Variants in SNTG1 observed in about 807,000 individuals in gnomAD.
SNTG1 encodes the protein gamma-1-syntrophin.
A neutral mutation model predicts 74.7 loss-of-function variants in SNTG1; 39 were observed. The observed-to-expected ratio is 0.52, with a 90% CI of 0.40 to 0.68. The LOEUF is 0.68. Among genes scored for constraint, SNTG1 ranks in the 30% least tolerant of loss-of-function variants. The pLI is 0.00. For synonymous variants in SNTG1, 254 were observed against 217.1 expected, an observed-to-expected ratio of 1.17 and a Z score of -1.49; for missense variants, 685 against 609.5, an observed-to-expected ratio of 1.12 and a Z score of -1.30.
chr8:50,192,153 A>G lies in SNTG1; in HGVS notation c.-28+19518A>G, dbSNP rs146142343. On this transcript the variant is annotated intron_variant, in intron 2 of 18. Transcript: ENST00000642720. ...TGCAGCACAAGAAAGCCAAATCTCC[A>G]AAAAGCTTTTGTTGTTGTTTTGTTG... 2.9e-3 allele frequency among the ~76,000 whole-genome samples: 443 copies of G among 152,226 alleles called. 3 individuals are homozygous for G. The highest frequency in any genetic ancestry group is 0.01 in the African/African-American group (422 of 41,536).
At chr8:50,242,382 G>T (rs192606924) in intron 2 of SNTG1, among the ~76,000 whole-genome samples, 30 of 151,954 alleles carry the variant, frequency 2.0e-4, no homozygotes, top group Non-Finnish European at 3.7e-4. Flanking sequence ...AGAAAAATTA[G>T]CTGGGCATGG....
chr8:50,674,975 T>C (rs1051258780), intron 15 of SNTG1, among the ~76,000 whole-genome samples: 9 of 152,084 alleles, frequency 5.9e-5, no homozygotes, highest in Non-Finnish European at 1.3e-4. Flanking sequence ...TTGTGTGTGT[T>C]TGAGTGAGTT....
intron 2 of SNTG1, among the ~76,000 whole-genome samples, chr8:50,254,633 G>T (rs577868891): frequency 4.1e-4 from 63 of 152,234 alleles, no homozygotes; most frequent in African/African-American, 1.5e-3. Context: ...ATTACTTGAG[G>T]TCAGGAGCTT....
In SNTG1 at chr8:50,450,587, T is replaced by C. The variant is rs142072860; in HGVS notation, c.309T>C (p.Asp103=). The C allele has an allele frequency of 2.4e-4, 386 of 1,613,552 alleles. 3 individuals carry two copies. The African/African-American group carries it at 4.7e-3, about 20-fold the overall frequency. ...AELSGLLFIG[D]AILQINGINV... is the part of the protein sequence containing the mutation. ...TTTCAGGACTACTTTTTATTGGAGA[T>C]GCAATTCTACAGGTATACATTTTAT... is the stretch of plus-strand genomic sequence containing the variant. The change falls in exon 7 of 19, where the codon GAT becomes GAC. Residue 103 remains aspartate (D), a synonymous_variant. Coordinates refer to ENST00000642720, the MANE Select transcript of SNTG1 (RefSeq NM_018967.5).
Position 50,122,917 on chromosome 8 carries a change from T to G in SNTG1, c.-102-49644T>G, listed in dbSNP as rs989433132. The stretch of plus-strand genomic sequence containing the variant: ...ATATAAAATGGGAATGGAAATACAT[T>G]TATTTAACAAATATTTACATAGAGG... On this transcript the variant is annotated intron_variant, in intron 1 of 18. Transcript: ENST00000642720. Among the ~76,000 whole-genome samples, 15 of 142,632 alleles carry G rather than the reference T, an allele frequency of 1.1e-4. 1 individual carries two copies. Among genetic ancestry groups the G allele is most frequent in the African/African-American group, 3.6e-4 (14 of 39,420 alleles). 93.6% of individuals were successfully genotyped at this position (142,632 alleles called of 152,430 possible).
intron 2 of SNTG1, among the ~76,000 whole-genome samples, chr8:50,377,631 A>G (rs909564732): frequency 6.6e-6 from 1 of 152,166 alleles, no homozygotes; most frequent in Non-Finnish European, 1.5e-5. Context: ...TATACACACA[A>G]AAATGTCAAA....
chr8:50,348,387 C>T (rs912278405), intron 2 of SNTG1, among the ~76,000 whole-genome samples: 1 of 152,144 alleles, frequency 6.6e-6, no homozygotes, highest in African/African-American at 2.4e-5. Flanking sequence ...CCCCACTACC[C>T]GCTCCTTTCT....
chr8:50,154,659 C>A (rs937512242), intron 1 of SNTG1, among the ~76,000 whole-genome samples: 2 of 152,250 alleles, frequency 1.3e-5, no homozygotes, highest in African/African-American at 4.8e-5. Flanking sequence ...AATCTTTAAA[C>A]CTAGTCTAAC....
At position 50,394,072 on chromosome 8, in the gene SNTG1, C is replaced by A. The variant is rs181717882; in HGVS notation, c.-27-140C>A. 3.1e-5 allele frequency: 17 copies of A among 545,030 alleles called. No individual in the cohort carries two copies. In the African/African-American group the frequency reaches 3.3e-4, roughly 11 times the overall value. The allele number at this position is 545,030 out of a possible 1,614,324, so 33.8% of individuals were successfully genotyped here. Reference sequence around the variant, plus strand: ...GTTCATTTTCCTCTCTTCAGTATACCCTGGAGCTCTTGTTCCTTACAAGTG... The same window carrying A: ...GTTCATTTTCCTCTCTTCAGTATACACTGGAGCTCTTGTTCCTTACAAGTG... On this transcript the variant is annotated intron_variant, in intron 2 of 18. Transcript: ENST00000642720.
At chr8:49,945,558 T>G (rs1809101275) in intron 1 of SNTG1, among the ~76,000 whole-genome samples, 1 of 152,150 alleles carries the variant, frequency 6.6e-6, no homozygotes, top group Non-Finnish European at 1.5e-5. Context: ...GTTTTCACAT[T>G]CACCAGCCAG....
chr8:50,587,061 A>G (rs1255873584), intron 12 of SNTG1, among the ~76,000 whole-genome samples: 3 of 152,020 alleles, frequency 2.0e-5, no homozygotes, highest in Non-Finnish European at 2.9e-5. Context: ...ACATAAAATC[A>G]ATTTCGGTTC....
chr8:50,247,952 A>G (rs536793805), intron 2 of SNTG1, among the ~76,000 whole-genome samples: 5 of 152,186 alleles, frequency 3.3e-5, no homozygotes, highest in Non-Finnish European at 7.3e-5. Context: ...TCTGAGAGCT[A>G]TGAAGGAAAG....
At chr8:49,941,688 G>C (rs1808706683) in intron 1 of SNTG1, among the ~76,000 whole-genome samples, 1 of 152,012 alleles carries the variant, frequency 6.6e-6, no homozygotes, top group South Asian at 2.1e-4. Context: ...TGATGTTCCA[G>C]CTGGAAGCCT....
intron 13 of SNTG1, among the ~76,000 whole-genome samples, chr8:50,597,280 CAT>C (rs575520281): frequency 3.9e-4 from 59 of 149,652 alleles, no homozygotes; most frequent in Non-Finnish European, 6.2e-4. Flanking sequence ...AGAATATATA[CAT>C]ATATATATAC....
intron 1 of SNTG1, among the ~76,000 whole-genome samples, chr8:50,097,301 A>G (rs1239296902): frequency 6.6e-6 from 1 of 151,458 alleles, no homozygotes; most frequent in Non-Finnish European, 1.5e-5. Flanking sequence ...TTAGTTGTGA[A>G]TTTGATATAG....
intron 2 of SNTG1, among the ~76,000 whole-genome samples, chr8:50,234,887 CAGAT>C (rs1426859123): frequency 2.0e-5 from 3 of 151,926 alleles, no homozygotes; most frequent in Admixed American, 6.6e-5. Context: ...CAACAGCTAA[CAGAT>C]AGAAGCTGTT....
intron 11 of SNTG1, among the ~76,000 whole-genome samples, chr8:50,545,274 A>G (rs1458537169): frequency 1.3e-5 from 2 of 151,652 alleles, no homozygotes; most frequent in African/African-American, 4.8e-5. Flanking sequence ...GTTTATATTT[A>G]TCATAATGTA....
At chr8:49,991,951 A>G (rs1351579021) in intron 1 of SNTG1, among the ~76,000 whole-genome samples, 1 of 152,196 alleles carries the variant, frequency 6.6e-6, no homozygotes, top group East Asian at 1.9e-4. Context: ...ATTAGGGTGT[A>G]TAAATTCTAT....
intron 13 of SNTG1, among the ~76,000 whole-genome samples, chr8:50,617,892 C>A (rs2094896097): frequency 6.6e-6 from 1 of 152,196 alleles, no homozygotes; most frequent in South Asian, 2.1e-4. Flanking sequence ...TGGCACCGGG[C>A]TGTCTGCTTG....
Sources: allele counts gnomAD v4.1 joint callset (sites outside exome capture counted in the v4.1 genomes callset), GRCh38; gene constraint gnomAD v4.1.1; transcripts MANE v1.5; gene names NCBI Gene and HGNC (gene_info 2026-07-23, HGNC 2026-07-21).